Variants in CCDC136 observed in about 807,000 individuals in gnomAD.
CCDC136 encodes coiled-coil domain-containing protein 136.
Under a neutral mutation model 141.2 loss-of-function variants are expected in CCDC136, and 100 were observed. The observed-to-expected ratio is 0.71, with a 90% confidence interval of 0.60 to 0.84. The LOEUF (loss-of-function observed/expected upper bound fraction) is 0.84, where lower values mean the gene tolerates loss of function less well. Among genes scored for constraint, CCDC136 ranks in the 40% least tolerant of loss-of-function variants. The pLI, the probability that CCDC136 is intolerant of heterozygous loss-of-function variation, is 0.00. For synonymous variants in CCDC136, 474 were observed against 531.9 expected, an observed-to-expected ratio of 0.89 and a Z score of 1.50; for missense variants, 1,206 against 1,379.4, an observed-to-expected ratio of 0.87 and a Z score of 1.99.
Position 128,794,583 on chromosome 7 carries a change from T to G in CCDC136, c.252T>G (p.Asp84Glu). 2 of 1,555,366 alleles carry G rather than the reference T, an allele frequency of 1.3e-6. No individual in the cohort carries two copies. The highest frequency in any genetic ancestry group is 1.7e-6 in the Non-Finnish European group (2 of 1,149,340). Residue 84 changes from aspartate (D) to glutamate (E), a missense_variant, in exon 2 of 18, where the codon GAT (aspartate) becomes GAG (glutamate). Transcript: ENST00000297788. The surrounding 1 kb of genome is among the most constrained non-coding windows in gnomAD (Gnocchi z 4.3). ...ETRELAGQHE[D>E]DSLELQGLLE... Reference sequence around the variant, plus strand: ...GGGAACTGGCAGGGCAGCATGAGGATGACTCCTTGGAGCTACAGGGTGAGT... The same window carrying G: ...GGGAACTGGCAGGGCAGCATGAGGAGGACTCCTTGGAGCTACAGGGTGAGT...
upstream of CCDC136, chr7:128,791,261 C>T (rs924067409): frequency 9.1e-6 from 3 of 328,680 alleles, no homozygotes; most frequent in Non-Finnish European, 1.7e-5. The surrounding 1 kb of genome is among the most constrained non-coding windows in gnomAD (Gnocchi z 7.1). Context: ...AGCCTTGGGG[C>T]GTATCCGGGG....
At chr7:128,796,078 C>A (rs868835397) in intron 3 of CCDC136, among the ~76,000 whole-genome samples, 1 of 152,162 alleles carries the variant, frequency 6.6e-6, no homozygotes, top group Non-Finnish European at 1.5e-5. Flanking sequence ...CAGGTTCAAG[C>A]GATTCTAGTG....
chr7:128,816,941 G>A (rs971364800), intron 16 of CCDC136, among the ~76,000 whole-genome samples: 1 of 152,178 alleles, frequency 6.6e-6, no homozygotes, highest in Non-Finnish European at 1.5e-5. Flanking sequence ...TGTGCCAGGG[G>A]ACCATTACCT....
At position 128,792,374 on chromosome 7, in the gene CCDC136, A is replaced by G. The variant is rs778986481; in HGVS notation, c.-38A>G. On this transcript the variant is annotated 5_prime_UTR_variant, in exon 1 of 18. Transcript: ENST00000297788. Reference sequence around the variant, plus strand: ...GAGGCTTCCGAGGGCTGTGAGAGGAAGAAGGGCCAACGCTGGGGGTCCCTG... The same window carrying G: ...GAGGCTTCCGAGGGCTGTGAGAGGAGGAAGGGCCAACGCTGGGGGTCCCTG... 1 of 1,610,106 alleles carries G rather than the reference A, an allele frequency of 6.2e-7. No homozygotes were observed. Among genetic ancestry groups the G allele is most frequent in the South Asian group, 1.1e-5 (1 of 90,948 alleles).
chr7:128,807,722 C>G, intron 10 of CCDC136, 177 bp downstream of exon 10: 1 of 427,122 alleles, frequency 2.3e-6, no homozygotes, highest in Non-Finnish European at 4.2e-6. Context: ...TGACTTTGAG[C>G]CAGAGCCACA....
intron 3 of CCDC136, among the ~76,000 whole-genome samples, chr7:128,798,723 C>T (rs1803503193): frequency 6.6e-6 from 1 of 152,138 alleles, no homozygotes; most frequent in Non-Finnish European, 1.5e-5. Context: ...CTAGACAGAC[C>T]TCACTGTGCT....
rs376521370 is a variant in CCDC136, at chr7:128,807,456, G to A, written c.1516G>A (p.Glu506Lys). 3.7e-5 allele frequency: 58 copies of A among 1,563,970 alleles called. No homozygotes were observed. The highest frequency in any genetic ancestry group is 6.8e-5 in the African/African-American group (5 of 73,190). ...GCAGAAGCACATGTATGACCAGCTGGAGCAGGACCTCCTGCTCTGCCAGCT... is the reference window on the plus strand; with the variant it reads ...GCAGAAGCACATGTATGACCAGCTGAAGCAGGACCTCCTGCTCTGCCAGCT... ...ERQKHMYDQL[E>K]QDLLLCQLEL... The change falls in exon 10 of 18, where the codon GAG (glutamate) becomes AAG (lysine). Residue 506 changes from glutamate (E) to lysine (K), a missense_variant. By Grantham distance (56) the Glu-to-Lys change is moderately conservative. Coordinates refer to ENST00000297788, the MANE Select transcript of CCDC136 (RefSeq NM_022742.5).
chr7:128,805,592 G>A lies in CCDC136; in HGVS notation c.948+68G>A, dbSNP rs1804708207. 7 of 1,553,080 alleles carry A rather than the reference G, an allele frequency of 4.5e-6. No individual in the cohort carries two copies. In the South Asian group the frequency reaches 7.4e-5, roughly 17 times the overall value. On this transcript the variant is annotated intron_variant, in intron 6 of 17. Transcript: ENST00000297788. This position sits in a 1 kb window ranked among gnomAD's most constrained non-coding sequence, Gnocchi z 4.6. ...TTCTTTCACCTTCTCCCAGCCTGTG[G>A]TAGAAACATCTCCATAGGCATCCAC...
intron 17 of CCDC136, among the ~76,000 whole-genome samples, chr7:128,820,314 TCAAA>T (rs1807266502): frequency 6.6e-6 from 1 of 152,212 alleles, no homozygotes; most frequent in Admixed American, 6.5e-5. Flanking sequence ...GAAAATTCTG[TCAAA>T]CAACTCAACG....
intron 15 of CCDC136, 50 bp downstream of exon 15, chr7:128,814,969 T>C: frequency 6.9e-7 from 1 of 1,448,236 alleles, no homozygotes; most frequent in South Asian, 1.4e-5. Flanking sequence ...GAGGAGATCC[T>C]GGGAAGAAGC....
chr7:128,792,272 CGCAGCCAGCCCCCCA>C lies in CCDC136; in HGVS notation c.-139_-125del. On this transcript the variant is annotated 5_prime_UTR_variant, in exon 1 of 18. Transcript: ENST00000297788. ...CCCTTCTTTCCTCTGCACCCCAGCC[CGCAGCCAGCCCCCCA>C]CCCCCCAGCCCCTCCTTTCTCCCTG... 6.6e-7 allele frequency: 1 copy of C among 1,521,096 alleles called. No individual in the cohort carries two copies. The highest frequency in any genetic ancestry group is 8.8e-7 in the Non-Finnish European group (1 of 1,130,166). The allele number at this position is 1,521,096 out of a possible 1,614,324, so 94.2% of individuals were successfully genotyped here.
rs1260183292 is a variant in CCDC136 at position 128,809,574 on chromosome 7, A to C, written c.1730A>C (p.Glu577Ala). Residue 577 changes from glutamate to alanine, a missense_variant, in exon 11 of 18, where the codon GAG (glutamate) becomes GCG (alanine). Glu to Ala is a moderately radical substitution (Grantham distance 107). Transcript: ENST00000297788. The stretch of plus-strand genomic sequence containing the variant: ...GAGGATCAGAGGAGGATGCAGGAGG[A>C]GCAGGGCCAGCTGCAGGAAGAGCTG... ...LLEDQRRMQE[E>A]QGQLQEELHR... 6.4e-7 allele frequency: 1 copy of C among 1,567,384 alleles called. No homozygotes were observed. Among genetic ancestry groups the C allele is most frequent in the Admixed American group, 1.9e-5 (1 of 53,160 alleles).
intron 10 of CCDC136, chr7:128,808,426 G>C: frequency 2.2e-6 from 2 of 930,210 alleles, no homozygotes; most frequent in Non-Finnish European, 2.6e-6. Flanking sequence ...AGTAAATCCT[G>C]GTAGTGATAA....
In CCDC136 at chr7:128,794,411, T is replaced by A. The variant is rs375637274; in HGVS notation, c.80T>A (p.Val27Glu). 1.4e-5 allele frequency: 22 copies of A among 1,553,896 alleles called. No homozygotes were observed. The African/African-American group carries it at 3.0e-4, about 21-fold the overall frequency. The change falls in exon 2 of 18, where the codon GTG becomes GAG. Residue 27 changes from valine to glutamate, a missense_variant. Coordinates refer to ENST00000297788, the MANE Select transcript of CCDC136 (RefSeq NM_022742.5). This position sits in a 1 kb window ranked among gnomAD's most constrained non-coding sequence, Gnocchi z 4.3. ...EEEEEEEEEEVEEEEEQVQKG... is the reference protein window; with the variant it reads ...EEEEEEEEEEEEEEEEQVQKG... ...GAAGAGGAAGAGGAGGAAGAAGAGG[T>A]GGAAGAAGAAGAAGAACAAGTGCAG...
chr7:128,816,233 A>G (rs1274397254), intron 16 of CCDC136, among the ~76,000 whole-genome samples: 1 of 152,156 alleles, frequency 6.6e-6, no homozygotes, highest in Non-Finnish European at 1.5e-5. Flanking sequence ...TACCTTCCTT[A>G]TGTCGGGAGT....
Position 128,822,066 on chromosome 7 carries a change from G to A in CCDC136, c.*273G>A. The stretch of plus-strand genomic sequence containing the variant: ...CTGAAAAGGCTTGTGGGGAGCGGCT[G>A]ACTTCCATCTCCTGCCTTGTGTAAG... On this transcript the variant is annotated 3_prime_UTR_variant, in exon 18 of 18. Transcript: ENST00000297788. 8.4e-7 allele frequency: 1 copy of A among 1,187,830 alleles called. No individual in the cohort carries two copies. Among genetic ancestry groups the A allele is most frequent in the Non-Finnish European group, 1.1e-6 (1 of 939,232 alleles). The allele number at this position is 1,187,830 out of a possible 1,614,324, so 73.6% of individuals were successfully genotyped here. A position where few individuals can be genotyped will look rare whatever the true frequency, so the allele number is the denominator to read the frequency against.
chr7:128,791,900 A>G, upstream of CCDC136: 1 of 489,496 alleles, frequency 2.0e-6, no homozygotes, highest in South Asian at 6.9e-5. This position sits in a 1 kb window ranked among gnomAD's most constrained non-coding sequence, Gnocchi z 7.1. Context: ...CAGCGAGAGA[A>G]TGGGAGGAGA....
In CCDC136 at chr7:128,800,133, C is replaced by T. The variant is rs374478468; in HGVS notation, c.347-1053C>T. The stretch of plus-strand genomic sequence containing the variant: ...GTCCATTTGTGTGTTATATACTATA[C>T]ATAAAATATTTTTTGCAAAAATTAG... On this transcript the variant is annotated intron_variant, in intron 3 of 17. Transcript: ENST00000297788. Among the ~76,000 whole-genome samples the T allele has an allele frequency of 9.2e-5, 14 of 152,232 alleles. No homozygotes were observed. The East Asian group carries it at 2.1e-3, about 23-fold the overall frequency.
chr7:128,807,565 G>T lies in CCDC136; in HGVS notation c.1605+20G>T. 7.4e-7 allele frequency: 1 copy of T among 1,353,488 alleles called. No homozygotes were observed. Among genetic ancestry groups the T allele is most frequent in the Non-Finnish European group, 9.7e-7 (1 of 1,036,130 alleles). 83.8% of individuals were successfully genotyped at this position (1,353,488 alleles called of 1,614,324 possible). On this transcript the variant is annotated intron_variant, in intron 10 of 17. Coordinates refer to ENST00000297788, the MANE Select transcript of CCDC136 (RefSeq NM_022742.5). ...AATAAGGTAATTGTCGTTCAGAGAG[G>T]TGACAGCTCCTGGGCACTTGCTCCA... is the stretch of plus-strand genomic sequence containing the variant.
Sources: allele counts gnomAD v4.1 joint callset (sites outside exome capture counted in the v4.1 genomes callset), GRCh38; gene constraint gnomAD v4.1.1; non-coding constraint Gnocchi (gnomAD v3.1); transcripts MANE v1.5; gene names NCBI Gene and HGNC (gene_info 2026-07-23, HGNC 2026-07-21).